Variants in ADAMTSL1 observed in about 807,000 individuals in gnomAD.
ADAMTSL1 encodes the protein ADAMTS-like protein 1.
In ADAMTSL1, 126 loss-of-function variants were observed where a neutral mutation model predicts 201.8. The observed-to-expected ratio is 0.62, with a 90% CI of 0.54 to 0.72. The LOEUF is 0.72. Ranked by LOEUF, ADAMTSL1 falls within the 30% of genes least tolerant of loss-of-function variation. The pLI, the probability that ADAMTSL1 is intolerant of heterozygous loss-of-function variation, is 0.00. For missense variants in ADAMTSL1, 2,679 were observed against 2,277.8 expected (o/e 1.18, Z -3.59); for synonymous variants, 1,121 against 903.4 (o/e 1.24, Z -4.32).
intron 1 of ADAMTSL1, among the ~76,000 whole-genome samples, chr9:17,977,517 C>G (rs988742245): frequency 1.3e-5 from 2 of 151,864 alleles, no homozygotes; most frequent in African/African-American, 4.8e-5. Context: ...ATTATTTAGT[C>G]TTGGTTGGTT....
chr9:18,743,411 T>A (rs1818956488), intron 15 of ADAMTSL1, among the ~76,000 whole-genome samples: 1 of 152,230 alleles, frequency 6.6e-6, no homozygotes, highest in South Asian at 2.1e-4. Flanking sequence ...AAGAGCTATT[T>A]ATTAATTTAC....
chr9:18,354,035 AT>A (rs1177289405), intron 2 of ADAMTSL1, among the ~76,000 whole-genome samples: 8 of 101,662 alleles, frequency 7.9e-5, no homozygotes, highest in African/African-American at 1.0e-4. Context: ...TAGTTCCAGA[AT>A]TTTTTTCTAT....
rs969338934 is a variant in ADAMTSL1 at position 18,732,174 on chromosome 9, C to T, written c.2006+10509C>T. Reference sequence around the variant, plus strand: ...CACTCTTACTTTTCTATGCAGGAAACCATATGATATAGACCTTCATAATAA... The same window carrying T: ...CACTCTTACTTTTCTATGCAGGAAATCATATGATATAGACCTTCATAATAA... On this transcript the variant is annotated intron_variant, in intron 15 of 28. Coordinates refer to ENST00000380548, the MANE Select transcript of ADAMTSL1 (RefSeq NM_001040272.6). Among the ~76,000 whole-genome samples, 13 of 152,252 alleles carry T rather than the reference C, an allele frequency of 8.5e-5. No homozygotes were observed. In the East Asian group the frequency reaches 1.5e-3, roughly 18 times the overall value.
chr9:18,734,345 G>A (rs1220869979), intron 15 of ADAMTSL1, among the ~76,000 whole-genome samples: 1 of 152,188 alleles, frequency 6.6e-6, no homozygotes, highest in East Asian at 1.9e-4. Context: ...CTGAAGAAAA[G>A]ACAGGCTCCA....
At chr9:18,370,150 C>T (rs1836977091) in intron 2 of ADAMTSL1, among the ~76,000 whole-genome samples, 1 of 151,864 alleles carries the variant, frequency 6.6e-6, no homozygotes. Context: ...TGTGATGGTG[C>T]GTGCCTGTAA....
At chr9:18,168,934 G>A (rs1269756370) in intron 2 of ADAMTSL1, among the ~76,000 whole-genome samples, 2 of 151,602 alleles carry the variant, frequency 1.3e-5, no homozygotes, top group Non-Finnish European at 2.9e-5. Context: ...CTTTTGAGAA[G>A]TGTCTGTTCA....
chr9:18,663,298 A>G (rs1211160299), intron 9 of ADAMTSL1, among the ~76,000 whole-genome samples: 1 of 152,172 alleles, frequency 6.6e-6, no homozygotes, highest in Non-Finnish European at 1.5e-5. Context: ...TTTCATTAAA[A>G]GAACAAAAAG....
intron 13 of ADAMTSL1, among the ~76,000 whole-genome samples, chr9:18,702,008 A>G (rs1389391235): frequency 6.6e-6 from 1 of 152,238 alleles, no homozygotes; most frequent in Non-Finnish European, 1.5e-5. Context: ...AGGCCTCACA[A>G]TCATGGTGGA....
At chr9:18,097,363 A>C (rs1423906132) in intron 1 of ADAMTSL1, among the ~76,000 whole-genome samples, 1 of 152,224 alleles carries the variant, frequency 6.6e-6, no homozygotes, top group Non-Finnish European at 1.5e-5. Context: ...TTTAGCAGTA[A>C]CACTGCTATT....
At chr9:18,389,489 TA>T (rs1223468940) in intron 2 of ADAMTSL1, among the ~76,000 whole-genome samples, 33 of 152,298 alleles carry the variant, frequency 2.2e-4, no homozygotes, top group African/African-American at 7.7e-4. Flanking sequence ...CCTGTATTCA[TA>T]TTATTGAAAT....
At chr9:18,506,133 C>A (rs564096887) in intron 2 of ADAMTSL1, among the ~76,000 whole-genome samples, 29 of 152,244 alleles carry the variant, frequency 1.9e-4, no homozygotes, top group African/African-American at 4.1e-4. Context: ...TTGTATTTAC[C>A]AGCAGGTTTG....
rs182561847 is a variant in ADAMTSL1 at position 18,899,789 on chromosome 9, T to C, written c.4852-5993T>C. The stretch of plus-strand genomic sequence containing the variant: ...CCACACACCTTATACAAAAATTAAC[T>C]CAAGATGGATTAAAGACTTAAATGT... On this transcript the variant is annotated intron_variant, in intron 26 of 28. Coordinates refer to ENST00000380548, the MANE Select transcript of ADAMTSL1 (RefSeq NM_001040272.6). Among the ~76,000 whole-genome samples the C allele has an allele frequency of 4.7e-3, 718 of 152,172 alleles. 6 individuals carry two copies. The highest frequency in any genetic ancestry group is 0.016 in the African/African-American group (684 of 41,522).
chr9:18,760,996 T>C (rs748658129), intron 16 of ADAMTSL1, among the ~76,000 whole-genome samples: 2 of 152,220 alleles, frequency 1.3e-5, no homozygotes, highest in Non-Finnish European at 2.9e-5. Flanking sequence ...ATCTGAGGCT[T>C]AGTAACCATT....
At chr9:18,471,284 T>C (rs1587307199), upstream of ADAMTSL1, among the ~76,000 whole-genome samples, 1 of 152,180 alleles carries the variant, frequency 6.6e-6, no homozygotes, top group Non-Finnish European at 1.5e-5. Flanking sequence ...TATATAGATA[T>C]AATGCATATA....
chr9:18,700,347 A>G (rs2779125), intron 13 of ADAMTSL1, among the ~76,000 whole-genome samples: 78,532 of 151,934 alleles, frequency 0.52, 20,671 homozygotes, highest in East Asian at 0.74. Flanking sequence ...TTAAATAACT[A>G]AAGAGTTTTT....
At chr9:18,788,998 A>G (rs537346133) in intron 19 of ADAMTSL1, among the ~76,000 whole-genome samples, 2 of 152,166 alleles carry the variant, frequency 1.3e-5, no homozygotes, top group African/African-American at 4.8e-5. Context: ...TGCCAACCCA[A>G]CGTGCTACGT....
At chr9:18,764,444 G>T (rs899588890) in intron 16 of ADAMTSL1, among the ~76,000 whole-genome samples, 4 of 152,160 alleles carry the variant, frequency 2.6e-5, no homozygotes, top group Non-Finnish European at 5.9e-5. Flanking sequence ...TGCAAACAAG[G>T]ATAATTTGAC....
chr9:18,200,281 A>T (rs917107563), intron 2 of ADAMTSL1, among the ~76,000 whole-genome samples: 1 of 152,072 alleles, frequency 6.6e-6, no homozygotes, highest in Non-Finnish European at 1.5e-5. Context: ...TAAAAAAAAA[A>T]AATTTGTACA....
At position 18,414,609 on chromosome 9, in the gene ADAMTSL1, G is replaced by A. The variant is rs183337533; in HGVS notation, c.208-90220G>A. On this transcript the variant is annotated intron_variant, in intron 2 of 29. Coordinates refer to the ADAMTSL1 transcript ENST00000680146. ...TGCAATTGCTCTAACTTACTTCCTTGAGAGAGTTTTCAGGCTGTGGCTCAG... is the reference window on the plus strand; with the variant it reads ...TGCAATTGCTCTAACTTACTTCCTTAAGAGAGTTTTCAGGCTGTGGCTCAG... 1.6e-4 allele frequency among the ~76,000 whole-genome samples: 25 copies of A among 152,276 alleles called. No individual in the cohort carries two copies. The East Asian group carries it at 3.7e-3, about 22-fold the overall frequency.
Sources: allele counts gnomAD v4.1 joint callset (sites outside exome capture counted in the v4.1 genomes callset), GRCh38; gene constraint gnomAD v4.1.1; transcripts MANE v1.5; gene names NCBI Gene and HGNC (gene_info 2026-07-23, HGNC 2026-07-21).